ERBB4: variants seen among roughly 807,000 people sequenced by gnomAD.
ERBB4 encodes receptor tyrosine-protein kinase erbB-4.
A neutral mutation model predicts 158.0 loss-of-function variants in ERBB4; 42 were observed. The ratio of observed to expected loss-of-function variants is 0.27; its 90% CI spans 0.21 to 0.34. The LOEUF (loss-of-function observed/expected upper bound fraction) is 0.34, where lower values mean the gene tolerates loss of function less well. Ranked by LOEUF, ERBB4 falls within the 10% of genes least tolerant of loss-of-function variation. The pLI, the probability that ERBB4 is intolerant of heterozygous loss-of-function variation, is 1.00. For synonymous variants in ERBB4, 583 were observed against 558.7 expected (o/e 1.04, Z -0.61); for missense variants, 1,333 against 1,624.1 (o/e 0.82, Z 3.08).
In ERBB4 at chr2:212,487,336, A is replaced by G. The variant is rs556950928; in HGVS notation, c.82+51113T>C. Among the ~76,000 whole-genome samples the G allele has an allele frequency of 2.0e-5, 3 of 152,274 alleles. No homozygotes were observed. In the South Asian group the frequency reaches 6.2e-4, roughly 32 times the overall value. ...TATTTCCCTGAAGTTTAGAATAAAT[A>G]AAAAATAACTTTTATGTCTTATCTC... On this transcript the variant is annotated intron_variant, in intron 1 of 27. Transcript: ENST00000342788.
chr2:211,671,865 T>A (rs1244212739), intron 14 of ERBB4, among the ~76,000 whole-genome samples: 1 of 152,176 alleles, frequency 6.6e-6, no homozygotes, highest in African/African-American at 2.4e-5. Flanking sequence ...TTTCTCACAC[T>A]GTTAGTTAAT....
chr2:211,947,467 G>T lies in ERBB4; in HGVS notation c.384C>A (p.Asn128Lys), dbSNP rs1452020002. 6 of 1,613,800 alleles carry T rather than the reference G, an allele frequency of 3.7e-6. No individual in the cohort carries two copies. Among genetic ancestry groups the T allele is most frequent in the Non-Finnish European group, 5.1e-6 (6 of 1,179,872 alleles). The change falls in exon 3 of 28, where the codon AAC becomes AAA. Residue 128 changes from asparagine (N) to lysine (K), a missense_variant. Transcript: ENST00000342788. The stretch of plus-strand genomic sequence containing the variant: ...TTAATCCAAGTTCTTGAAGTCCAAA[G>T]TTTCCATCTTTTCTGTAGTTTAAAA... ...AIFLNYRKDG[N>K]FGLQELGLKN...
chr2:211,669,002 C>A (rs2105928092), intron 14 of ERBB4, among the ~76,000 whole-genome samples: 1 of 152,026 alleles, frequency 6.6e-6, no homozygotes, highest in Admixed American at 6.6e-5. Flanking sequence ...GTGGGCAGAT[C>A]ACTTGAGGCC....
At chr2:212,017,110 T>C (rs1237273231) in intron 2 of ERBB4, among the ~76,000 whole-genome samples, 2 of 152,188 alleles carry the variant, frequency 1.3e-5, no homozygotes, top group East Asian at 1.9e-4. Flanking sequence ...TCTTTCAATA[T>C]GATAAAAACA....
At chr2:211,460,538 G>A (rs1183505473) in intron 20 of ERBB4, among the ~76,000 whole-genome samples, 1 of 152,140 alleles carries the variant, frequency 6.6e-6, no homozygotes, top group African/African-American at 2.4e-5. Flanking sequence ...TTTAAAACCA[G>A]GTTAATGCAG....
chr2:211,734,025 C>T (rs886133841), intron 5 of ERBB4, among the ~76,000 whole-genome samples: 3 of 151,684 alleles, frequency 2.0e-5, no homozygotes, highest in African/African-American at 7.3e-5. Context: ...CTGGGCCATG[C>T]AGCAGAAAAT....
intron 19 of ERBB4, among the ~76,000 whole-genome samples, chr2:211,580,885 A>AG (rs1559317781): frequency 1.0e-3 from 1 of 1,000 alleles, no homozygotes; most frequent in Non-Finnish European, 2.1e-3. Flanking sequence ...ATATATATAT[A>AG]TATATATATA....
intron 1 of ERBB4, among the ~76,000 whole-genome samples, chr2:212,537,474 G>A (rs1693153846): frequency 1.3e-5 from 2 of 152,018 alleles, no homozygotes; most frequent in South Asian, 2.1e-4. Context: ...GGCCAGCCCC[G>A]CCGCGCTGCC....
At chr2:212,188,481 G>C (rs2125704833) in intron 1 of ERBB4, among the ~76,000 whole-genome samples, 1 of 151,718 alleles carries the variant, frequency 6.6e-6, no homozygotes, top group African/African-American at 2.4e-5. Flanking sequence ...ACTGTAACCA[G>C]AATGCTTTTT....
chr2:211,390,858 C>T (rs191706755), intron 25 of ERBB4, among the ~76,000 whole-genome samples: 74 of 152,250 alleles, frequency 4.9e-4, no homozygotes, highest in African/African-American at 1.5e-3. Context: ...CTAAGCAAAA[C>T]CCCTTTAGCA....
chr2:211,905,386 T>G (rs766930644), intron 3 of ERBB4, among the ~76,000 whole-genome samples: 17 of 151,846 alleles, frequency 1.1e-4, no homozygotes, highest in Non-Finnish European at 1.9e-4. Flanking sequence ...ACCTTTCTAT[T>G]TTAAGGTCAG....
intron 1 of ERBB4, among the ~76,000 whole-genome samples, chr2:212,194,467 A>G (rs2082363798): frequency 6.6e-6 from 1 of 152,044 alleles, no homozygotes; most frequent in African/African-American, 2.4e-5. Flanking sequence ...CAAGGGCAAT[A>G]CTATGTTACC....
At chr2:211,860,080 T>C (rs1464189911) in intron 3 of ERBB4, among the ~76,000 whole-genome samples, 8 of 152,172 alleles carry the variant, frequency 5.3e-5, no homozygotes, top group African/African-American at 1.4e-4. Flanking sequence ...TTTTAAATAT[T>C]TGTCAAAATC....
At chr2:211,843,392 C>G (rs1037108769) in intron 3 of ERBB4, among the ~76,000 whole-genome samples, 1 of 148,084 alleles carries the variant, frequency 6.8e-6, no homozygotes, top group African/African-American at 2.5e-5. Flanking sequence ...AACACTCAGG[C>G]TGGTGCACAT....
chr2:212,203,610 A>G (rs1027984697), intron 1 of ERBB4, among the ~76,000 whole-genome samples: 2 of 152,234 alleles, frequency 1.3e-5, no homozygotes, highest in African/African-American at 4.8e-5. Flanking sequence ...ATGTGTGTAC[A>G]TATTTTGGCA....
intron 20 of ERBB4, among the ~76,000 whole-genome samples, chr2:211,510,198 A>G (rs2065852589): frequency 6.6e-6 from 1 of 152,132 alleles, no homozygotes; most frequent in Admixed American, 6.5e-5. Flanking sequence ...TTGACCATCA[A>G]TGGGTGGTTG....
In ERBB4 at chr2:212,501,936, T is replaced by C. The variant is rs550278177; in HGVS notation, c.82+36513A>G. Among the ~76,000 whole-genome samples, 3 of 152,228 alleles carry C rather than the reference T, an allele frequency of 2.0e-5. No homozygotes were observed. The South Asian group carries it at 6.2e-4, about 32-fold the overall frequency. Reference sequence around the variant, plus strand: ...GGTTTCTGAAAGTTAAACAGAAATCTGAATTTTATTCAGTTATTAAAATAA... The same window carrying C: ...GGTTTCTGAAAGTTAAACAGAAATCCGAATTTTATTCAGTTATTAAAATAA... On this transcript the variant is annotated intron_variant, in intron 1 of 27. Coordinates refer to ENST00000342788, the MANE Select transcript of ERBB4 (RefSeq NM_005235.3).
chr2:211,480,660 G>C (rs560481302), intron 20 of ERBB4, among the ~76,000 whole-genome samples: 2 of 152,212 alleles, frequency 1.3e-5, no homozygotes, highest in East Asian at 3.9e-4. Flanking sequence ...AATACACTTG[G>C]GTATGAGGAA....
At chr2:212,279,101 G>A (rs975715740) in intron 1 of ERBB4, among the ~76,000 whole-genome samples, 1 of 151,360 alleles carries the variant, frequency 6.6e-6, no homozygotes, top group African/African-American at 2.4e-5. Context: ...AACATAATTT[G>A]CTTAATTTTA....
Sources: allele counts gnomAD v4.1 joint callset (sites outside exome capture counted in the v4.1 genomes callset), GRCh38; gene constraint gnomAD v4.1.1; transcripts MANE v1.5; gene names NCBI Gene and HGNC (gene_info 2026-07-23, HGNC 2026-07-21).